The following TTC34 variants were observed in gnomAD, a reference collection of about 807,000 sequenced individuals.
The protein encoded by TTC34 is tetratricopeptide repeat domain 34.
In TTC34, 44 loss-of-function variants were observed where a neutral mutation model predicts 40.7. That is an observed-to-expected ratio of 1.08 (90% CI 0.85 to 1.39). The LOEUF is 1.39. Ranked by LOEUF, TTC34 falls within the 40% of genes most tolerant of loss-of-function variation. The pLI, the probability that TTC34 is intolerant of heterozygous loss-of-function variation, is 0.00. For synonymous variants in TTC34, 422 were observed against 398.6 expected (o/e 1.06, Z -0.70); for missense variants, 884 against 838.0 (o/e 1.05, Z -0.68).
rs1641337970 is a variant in TTC34 at position 2,752,055 on chromosome 1, G to C, written c.2226+31554C>G. ...GCGTGGAGCAGCACCGACACCCCCA[G>C]GCGAACATCTGAACGCACGGAGCAG... On this transcript the variant is annotated intron_variant, in intron 6 of 8. Coordinates refer to ENST00000401095, the Ensembl canonical transcript of TTC34. 2.6e-5 allele frequency among the ~76,000 whole-genome samples: 3 copies of C among 115,930 alleles called. 1 individual carries two copies. Among genetic ancestry groups the C allele is most frequent in the African/African-American group, 7.8e-5 (2 of 25,732 alleles). The allele number at this position is 115,930 out of a possible 152,430, so 76.1% of individuals were successfully genotyped here.
intron 6 of TTC34, among the ~76,000 whole-genome samples, chr1:2,683,189 G>C (rs1478844058): frequency 6.2e-5 from 3 of 48,768 alleles, no homozygotes; most frequent in Non-Finnish European, 1.3e-4. Flanking sequence ...CGGAACCCAC[G>C]GCCACAGGCG....
chr1:2,692,328 G>A (rs1640658021), intron 6 of TTC34, among the ~76,000 whole-genome samples: 1 of 70,512 alleles, frequency 1.4e-5, no homozygotes, highest in African/African-American at 4.7e-5. Flanking sequence ...CTGACAGCCT[G>A]GAGCAGCGCC....
chr1:2,655,014 C>A (rs28463511), intron 6 of TTC34, among the ~76,000 whole-genome samples: 8 of 104,442 alleles, frequency 7.7e-5, no homozygotes, highest in African/African-American at 2.4e-4. Flanking sequence ...CTCTCACAAC[C>A]CCAGGTGAGC....
chr1:2,757,849 A>C (rs1641557742), intron 6 of TTC34, among the ~76,000 whole-genome samples: 1 of 148,190 alleles, frequency 6.7e-6, no homozygotes, highest in Non-Finnish European at 1.5e-5. Flanking sequence ...TGCGCATCTG[A>C]TGGTCTGGAG....
intron 2 of TTC34, among the ~76,000 whole-genome samples, chr1:2,799,769 C>T (rs1053608338): frequency 2.6e-5 from 4 of 152,200 alleles, no homozygotes; most frequent in Non-Finnish European, 4.4e-5. Context: ...GCTTCTGCTG[C>T]CTGGAACCCT....
intron 6 of TTC34, among the ~76,000 whole-genome samples, chr1:2,778,458 C>T (rs1044669421): frequency 1.3e-5 from 2 of 152,196 alleles, no homozygotes; most frequent in South Asian, 2.1e-4. Flanking sequence ...CCCTGCCGTG[C>T]ATCCTGTTGA....
chr1:2,775,323 T>C (rs1473820487), intron 6 of TTC34: 1 of 150,440 alleles, frequency 6.6e-6, no homozygotes, highest in Non-Finnish European at 1.5e-5. Context: ...CAGGTGAGGA[T>C]CTGACTACCT....
At chr1:2,646,002 G>A (rs1246210317) in intron 6 of TTC34, among the ~76,000 whole-genome samples, 1 of 152,064 alleles carries the variant, frequency 6.6e-6, no homozygotes, top group African/African-American at 2.4e-5. Context: ...GTATCCGGGT[G>A]CTGCTCCCAG....
chr1:2,778,651 G>T (rs983775067), intron 6 of TTC34, among the ~76,000 whole-genome samples: 1 of 152,210 alleles, frequency 6.6e-6, no homozygotes, highest in Admixed American at 6.5e-5. Flanking sequence ...GAGGGGCCAG[G>T]CAACACCTGG....
chr1:2,749,463 G>A (rs1190695578), intron 6 of TTC34, among the ~76,000 whole-genome samples: 4,858 of 59,080 alleles, frequency 0.082, 19 homozygotes, highest in Middle Eastern at 0.16. Context: ...AGCATCTGAC[G>A]GCCTGGAACA....
chr1:2,787,027 CA>C (rs1221123349), intron 4 of TTC34, among the ~76,000 whole-genome samples: 1 of 152,162 alleles, frequency 6.6e-6, no homozygotes, highest in Admixed American at 6.5e-5. Context: ...GCACCTGAGG[CA>C]GGTAAGGGTC....
intron 6 of TTC34, among the ~76,000 whole-genome samples, chr1:2,692,304 C>A (rs1178188912): frequency 1.4e-5 from 1 of 70,968 alleles, no homozygotes; most frequent in African/African-American, 4.6e-5. Flanking sequence ...AGCAGGCACA[C>A]CCCCAGTGAG....
In TTC34 at chr1:2,698,848, C is replaced by A. The variant is rs985628487; in HGVS notation, c.2227-53285G>T. ...CTCACAGCCTGCAACAGTACCCACA[C>A]TCCCAGGCGAGCATCTGACATCCTG... On this transcript the variant is annotated intron_variant, in intron 6 of 8. Coordinates refer to ENST00000401095, the Ensembl canonical transcript of TTC34. Among the ~76,000 whole-genome samples, 588 of 142,582 alleles carry A rather than the reference C, an allele frequency of 4.1e-3. 2 individuals are homozygous for A. The highest frequency in any genetic ancestry group is 8.8e-3 in the Admixed American group (126 of 14,260). The allele number at this position is 142,582 out of a possible 152,430, so 93.5% of individuals were successfully genotyped here.
At chr1:2,686,364 C>A (rs796980498) in intron 6 of TTC34, among the ~76,000 whole-genome samples, 40 of 143,406 alleles carry the variant, frequency 2.8e-4, no homozygotes, top group East Asian at 6.3e-4. Context: ...CCCACACCCC[C>A]AGGTGCGCAT....
At chr1:2,764,188 G>T in intron 6 of TTC34, among the ~76,000 whole-genome samples, 1 of 149,444 alleles carries the variant, frequency 6.7e-6, no homozygotes, top group African/African-American at 2.5e-5. Context: ...GCAACCCCAG[G>T]TGAGCATCTG....
At chr1:2,650,867 C>G (rs999589185) in intron 6 of TTC34, among the ~76,000 whole-genome samples, 1 of 150,816 alleles carries the variant, frequency 6.6e-6, no homozygotes. Context: ...CAGACCCACA[C>G]CACAGGTGAG....
At chr1:2,767,389 G>A (rs1641799772) in intron 6 of TTC34, among the ~76,000 whole-genome samples, 18 of 118,640 alleles carry the variant, frequency 1.5e-4, no homozygotes, top group Middle Eastern at 5.7e-3. Context: ...ACAGCCTGGA[G>A]CAGCACCCAC....
At chr1:2,640,727 G>C (rs1217179127) in exon 9 of TTC34, 1 of 151,868 alleles carries the variant, frequency 6.6e-6, no homozygotes, top group African/African-American at 2.4e-5. Flanking sequence ...GGGCTTCTGG[G>C]GCTGGTACCA....
chr1:2,686,641 C>A (rs964961446), intron 6 of TTC34, among the ~76,000 whole-genome samples: 5 of 132,166 alleles, frequency 3.8e-5, no homozygotes, highest in African/African-American at 1.6e-4. Context: ...AGCACCCACA[C>A]ACCCAGGTGA....
Sources: gnomAD v4.1 joint callset for allele counts (sites outside exome capture counted in the v4.1 genomes callset) on GRCh38, gnomAD v4.1.1 for gene constraint, MANE v1.5 for transcripts, NCBI Gene and HGNC (gene_info 2026-07-23, HGNC 2026-07-21) for gene names.